Variants in IER2 observed in about 807,000 individuals in gnomAD.
IER2 encodes the protein immediate early response 2.
For missense variants in IER2, 372 were observed against 325.4 expected (o/e 1.14, Z -1.10); for synonymous variants, 198 against 149.6 (o/e 1.32, Z -2.36).
chr19:13,152,929 T>G lies in IER2; in HGVS notation c.-243-15T>G. 6.3e-6 allele frequency: 2 copies of G among 318,024 alleles called. No homozygotes were observed. Among genetic ancestry groups the G allele is most frequent in the Non-Finnish European group, 1.1e-5 (2 of 173,990 alleles). 19.7% of individuals were successfully genotyped at this position (318,024 alleles called of 1,614,324 possible). ...CCCTTTCCCTGCTGGGTAAATCGCA[T>G]TCTGTCTCTTTAAGGAGTGTTTGGC... On this transcript the variant is annotated splice_polypyrimidine_tract_variant and intron_variant, in intron 1 of 1. Coordinates refer to ENST00000292433, the MANE Select transcript of IER2 (RefSeq NM_004907.3).
At position 13,153,072 on chromosome 19, in the gene IER2, T is replaced by G. The variant is rs2020084337; in HGVS notation, c.-115T>G. 1.4e-6 allele frequency: 1 copy of G among 726,954 alleles called. No homozygotes were observed. Among genetic ancestry groups the G allele is most frequent in the South Asian group, 2.1e-5 (1 of 47,190 alleles). 45.0% of individuals were successfully genotyped at this position (726,954 alleles called of 1,614,324 possible). A position where few individuals can be genotyped will look rare whatever the true frequency, so the allele number is the denominator to read the frequency against. On this transcript the variant is annotated 5_prime_UTR_variant, in exon 2 of 2. Coordinates refer to ENST00000292433, the MANE Select transcript of IER2 (RefSeq NM_004907.3). ...GCCTGGGCAGAGCGTCCTAGCAGTG[T>G]CACTGCGTGGGTTGGTTTGTGTAGA...
chr19:13,153,882 G>T lies in IER2; in HGVS notation c.*24G>T. On this transcript the variant is annotated 3_prime_UTR_variant, in exon 2 of 2. Transcript: ENST00000292433. The stretch of plus-strand genomic sequence containing the variant: ...GAGGACCCCGAGCGGCGCTGCCGGA[G>T]CCCAGAGCGCGCGTCGAACCGTCGG... The T allele has an allele frequency of 3.6e-6, 5 of 1,402,642 alleles. No individual in the cohort carries two copies. The highest frequency in any genetic ancestry group is 4.6e-6 in the Non-Finnish European group (5 of 1,083,520). 86.9% of individuals were successfully genotyped at this position (1,402,642 alleles called of 1,614,324 possible).
Position 13,150,479 on chromosome 19 carries a change from G to T in IER2, c.-317G>T. ...TCTGGGCCTATTCGGGTCCGAGTTCGGAATTTCGGTTCAAGGCCCAGTTCC... is the reference window on the plus strand; with the variant it reads ...TCTGGGCCTATTCGGGTCCGAGTTCTGAATTTCGGTTCAAGGCCCAGTTCC... On this transcript the variant is annotated 5_prime_UTR_variant, in exon 1 of 2. Transcript: ENST00000292433. The surrounding 1 kb of genome is among the most constrained non-coding windows in gnomAD (Gnocchi z 4.0). The T allele has an allele frequency of 3.0e-6, 1 of 335,334 alleles. No homozygotes were observed. Among genetic ancestry groups the T allele is most frequent in the South Asian group, 4.2e-5 (1 of 23,870 alleles). 20.8% of individuals were successfully genotyped at this position (335,334 alleles called of 1,614,324 possible). A position where few individuals can be genotyped will look rare whatever the true frequency, so the allele number is the denominator to read the frequency against.
In IER2 at chr19:13,153,158, G is replaced by T; in HGVS notation, c.-29G>T. The T allele has an allele frequency of 6.8e-7, 1 of 1,479,256 alleles. No individual in the cohort carries two copies. The highest frequency in any genetic ancestry group is 9.0e-7 in the Non-Finnish European group (1 of 1,114,276). 91.6% of individuals were successfully genotyped at this position (1,479,256 alleles called of 1,614,324 possible). On this transcript the variant is annotated 5_prime_UTR_variant, in exon 2 of 2. Coordinates refer to ENST00000292433, the MANE Select transcript of IER2 (RefSeq NM_004907.3). ...GCTGCCTGTTCTGTCCCTCCCGGGA[G>T]CCCCCGCCGCTGTCGCCGTCGAGTC...
Position 13,153,166 on chromosome 19 carries a change from C to G in IER2, c.-21C>G. 2 of 1,491,092 alleles carry G rather than the reference C, an allele frequency of 1.3e-6. No homozygotes were observed. The highest frequency in any genetic ancestry group is 1.4e-5 in the South Asian group (1 of 72,470). 92.4% of individuals were successfully genotyped at this position (1,491,092 alleles called of 1,614,324 possible). A position where few individuals can be genotyped will look rare whatever the true frequency, so the allele number is the denominator to read the frequency against. On this transcript the variant is annotated 5_prime_UTR_variant, in exon 2 of 2. Coordinates refer to ENST00000292433, the MANE Select transcript of IER2 (RefSeq NM_004907.3). ...TTCTGTCCCTCCCGGGAGCCCCCGC[C>G]GCTGTCGCCGTCGAGTCGCCATGGA... is the stretch of plus-strand genomic sequence containing the variant.
Position 13,153,589 on chromosome 19 carries a change from C to T in IER2, c.403C>T (p.Leu135=), listed in dbSNP as rs1410536525. The T allele has an allele frequency of 1.2e-6, 2 of 1,606,178 alleles. No individual in the cohort carries two copies. The highest frequency in any genetic ancestry group is 1.7e-6 in the Non-Finnish European group (2 of 1,176,722). ...CCTGAGCGACGGCGGGGACGCTGGA[C>T]TGGTCCCGAGCAAGAAAGCCCGTCT... ...SSLSDGGDAG[L]VPSKKARLEE... The change falls in exon 2 of 2, where the codon CTG becomes TTG. Residue 135 remains leucine, a synonymous_variant. Coordinates refer to ENST00000292433, the MANE Select transcript of IER2 (RefSeq NM_004907.3).
chr19:13,153,869 C>T lies in IER2; in HGVS notation c.*11C>T. ...GTGGTGGCCTTCTGAGGACCCCGAG[C>T]GGCGCTGCCGGAGCCCAGAGCGCGC... is the stretch of plus-strand genomic sequence containing the variant. On this transcript the variant is annotated 3_prime_UTR_variant, in exon 2 of 2. Transcript: ENST00000292433. The T allele has an allele frequency of 7.1e-7, 1 of 1,407,446 alleles. No individual in the cohort carries two copies. The allele number at this position is 1,407,446 out of a possible 1,614,324, so 87.2% of individuals were successfully genotyped here. A position where few individuals can be genotyped will look rare whatever the true frequency, so the allele number is the denominator to read the frequency against.
At chr19:13,151,579 G>A (rs1259236779) in intron 1 of IER2, among the ~76,000 whole-genome samples, 1 of 152,128 alleles carries the variant, frequency 6.6e-6, no homozygotes, top group Non-Finnish European at 1.5e-5. Flanking sequence ...CAGCGTCTCT[G>A]GGAGATGGCG....
At chr19:13,152,738 C>T (rs569507791) in intron 1 of IER2, 2 of 154,076 alleles carry the variant, frequency 1.3e-5, no homozygotes, top group South Asian at 1.9e-4. Context: ...GCCCACGACC[C>T]ACTGGGGCCT....
intron 1 of IER2, among the ~76,000 whole-genome samples, chr19:13,151,556 C>T (rs1360915634): frequency 6.6e-6 from 1 of 152,080 alleles, no homozygotes; most frequent in African/African-American, 2.4e-5. Flanking sequence ...CCTGTGTATG[C>T]AGGGTCGTTC....
In IER2 at chr19:13,150,970, C is replaced by G. The variant is rs751589705; in HGVS notation, c.-244+418C>G. Among the ~76,000 whole-genome samples the G allele has an allele frequency of 6.6e-6, 1 of 151,668 alleles. No individual in the cohort carries two copies. Among genetic ancestry groups the G allele is most frequent in the East Asian group, 1.9e-4 (1 of 5,164 alleles). On this transcript the variant is annotated intron_variant, in intron 1 of 1. Coordinates refer to ENST00000292433, the MANE Select transcript of IER2 (RefSeq NM_004907.3). The surrounding 1 kb of genome is among the most constrained non-coding windows in gnomAD (Gnocchi z 4.0). ...TTTCTGGGTGCGAGCCTGGGGGTAGCGGGTGGTGGCTTTGAGGATGGTCTC... is the reference window on the plus strand; with the variant it reads ...TTTCTGGGTGCGAGCCTGGGGGTAGGGGGTGGTGGCTTTGAGGATGGTCTC...
rs2020093790 is a variant in IER2, at chr19:13,153,612, T to C, written c.426T>C (p.Arg142=). ...DAGLVPSKKA[R]LEEKEEEEGA... ...GACTGGTCCCGAGCAAGAAAGCCCGTCTGGAAGAAAAGGAAGAAGAGGAGG... is the reference window on the plus strand; with the variant it reads ...GACTGGTCCCGAGCAAGAAAGCCCGCCTGGAAGAAAAGGAAGAAGAGGAGG... The change falls in exon 2 of 2, where the codon CGT becomes CGC. Residue 142 remains arginine, a synonymous_variant. Coordinates refer to ENST00000292433, the MANE Select transcript of IER2 (RefSeq NM_004907.3). 1.9e-6 allele frequency: 3 copies of C among 1,611,728 alleles called. No individual in the cohort carries two copies. Among genetic ancestry groups the C allele is most frequent in the Non-Finnish European group, 2.5e-6 (3 of 1,179,088 alleles).
intron 1 of IER2, among the ~76,000 whole-genome samples, chr19:13,151,591 C>T (rs561852450): frequency 6.6e-6 from 1 of 152,250 alleles, no homozygotes; most frequent in East Asian, 1.9e-4. Context: ...GAGATGGCGT[C>T]CCTGGGAGCC....
Position 13,153,583 on chromosome 19 carries a change from G to T in IER2, c.397G>T (p.Ala133Ser), listed in dbSNP as rs1379139047. The change falls in exon 2 of 2, where the codon GCT (alanine) becomes TCT (serine). Residue 133 changes from alanine to serine, a missense_variant. Ala to Ser is a moderately conservative substitution (Grantham distance 99, BLOSUM62 1). Coordinates refer to ENST00000292433, the MANE Select transcript of IER2 (RefSeq NM_004907.3). ...RSSSLSDGGDAGLVPSKKARL... is the reference protein window; with the variant it reads ...RSSSLSDGGDSGLVPSKKARL... ...CAGCAGCCTGAGCGACGGCGGGGAC[G>T]CTGGACTGGTCCCGAGCAAGAAAGC... is the stretch of plus-strand genomic sequence containing the variant. 6.2e-7 allele frequency: 1 copy of T among 1,603,772 alleles called. No homozygotes were observed.
chr19:13,154,123 G>C lies in IER2; in HGVS notation c.*265G>C, dbSNP rs1465454965. On this transcript the variant is annotated 3_prime_UTR_variant, in exon 2 of 2. Coordinates refer to ENST00000292433, the MANE Select transcript of IER2 (RefSeq NM_004907.3). ...GCAGAGACCTGCGCCCACAGGTGCT[G>C]TCTTAGTGGACTGGGACGTGAACCT... is the stretch of plus-strand genomic sequence containing the variant. The C allele has an allele frequency of 2.1e-6, 1 of 466,752 alleles. No individual in the cohort carries two copies. Among genetic ancestry groups the C allele is most frequent in the African/African-American group, 2.1e-5 (1 of 47,998 alleles). 28.9% of individuals were successfully genotyped at this position (466,752 alleles called of 1,614,324 possible). A position where few individuals can be genotyped will look rare whatever the true frequency, so the allele number is the denominator to read the frequency against.
In IER2 at chr19:13,154,101, G is replaced by A; in HGVS notation, c.*243G>A. 1 of 483,256 alleles carries A rather than the reference G, an allele frequency of 2.1e-6. No individual in the cohort carries two copies. The highest frequency in any genetic ancestry group is 3.7e-6 in the Non-Finnish European group (1 of 268,326). 29.9% of individuals were successfully genotyped at this position (483,256 alleles called of 1,614,324 possible). ...GCCGGGGGCGCGGGCGCCTTCCGCA[G>A]AGACCTGCGCCCACAGGTGCTGTCT... On this transcript the variant is annotated 3_prime_UTR_variant, in exon 2 of 2. Transcript: ENST00000292433.
chr19:13,153,307 C>T lies in IER2; in HGVS notation c.121C>T (p.Arg41Cys). The change falls in exon 2 of 2, where the codon CGC (arginine) becomes TGC (cysteine). Residue 41 changes from arginine (R) to cysteine (C), a missense_variant. Arg to Cys is a radical substitution (Grantham distance 180). Coordinates refer to ENST00000292433, the MANE Select transcript of IER2 (RefSeq NM_004907.3). ...GAGTCTGCAGCTGTCGCTGGTCATG[C>T]GCAGCGCCCGGGAGCTCTACCTCTC... The part of the protein sequence containing the change: ...HRSLQLSLVM[R>C]SARELYLSAK... 3 of 1,603,282 alleles carry T rather than the reference C, an allele frequency of 1.9e-6. No individual in the cohort carries two copies. The highest frequency in any genetic ancestry group is 2.6e-6 in the Non-Finnish European group (3 of 1,175,540).
intron 1 of IER2, chr19:13,152,650 G>A (rs1168690165): frequency 6.6e-6 from 1 of 152,412 alleles, no homozygotes. Flanking sequence ...GACACACCTG[G>A]TAAATGCTAA....
intron 1 of IER2, among the ~76,000 whole-genome samples, chr19:13,151,032 T>A (rs2020049704): frequency 6.6e-6 from 1 of 151,666 alleles, no homozygotes; most frequent in South Asian, 2.1e-4. Flanking sequence ...TCCGTCTGGG[T>A]AGGGGCCAGG....
Sources: gnomAD v4.1 joint callset for allele counts (sites outside exome capture counted in the v4.1 genomes callset) on GRCh38, gnomAD v4.1.1 for gene constraint, Gnocchi (gnomAD v3.1) non-coding constraint, MANE v1.5 for transcripts, NCBI Gene and HGNC (gene_info 2026-07-23, HGNC 2026-07-21) for gene names.